Variants in C4orf50 observed in about 807,000 individuals in gnomAD.
The protein encoded by C4orf50 is chromosome 4 open reading frame 50, also known as uncharacterized protein C4orf50.
Under a neutral mutation model 77.2 loss-of-function variants are expected in C4orf50, and 80 were observed. That is an observed-to-expected ratio of 1.04 (90% confidence interval 0.87 to 1.25). C4orf50 has a LOEUF of 1.25. Among genes scored for constraint, C4orf50 ranks in the 50% most tolerant of loss-of-function variants. The pLI, the probability that C4orf50 is intolerant of heterozygous loss-of-function variation, is 0.00. For missense variants in C4orf50, 1,257 were observed against 1,152.9 expected (o/e 1.09, Z -1.31); for synonymous variants, 532 against 465.3 (o/e 1.14, Z -1.84).
intron 33 of C4orf50, among the ~76,000 whole-genome samples, chr4:5,962,794 G>A (rs761813697): frequency 2.0e-5 from 3 of 152,150 alleles, no homozygotes; most frequent in African/African-American, 4.8e-5. Context: ...CAATGCCGGC[G>A]CAGTAAGATT....
chr4:5,904,393 G>A (rs552910908), intron 7 of C4orf50: 6 of 152,394 alleles, frequency 3.9e-5, no homozygotes, highest in African/African-American at 1.4e-4. Context: ...GTGGTCAGTT[G>A]GGCGCAACTC....
intron 7 of C4orf50, among the ~76,000 whole-genome samples, chr4:5,920,474 G>C (rs1717213838): frequency 6.8e-6 from 1 of 146,100 alleles, no homozygotes; most frequent in Middle Eastern, 3.6e-3. Context: ...AATAAACATT[G>C]CTTTTTTTTT....
chr4:6,016,479 G>A (rs899199883), intron 23 of C4orf50, among the ~76,000 whole-genome samples: 2 of 152,190 alleles, frequency 1.3e-5, no homozygotes, highest in South Asian at 2.1e-4. Context: ...AACCCAGGAG[G>A]TGGGGTTTGC....
chr4:5,950,838 A>G (rs1184871301), intron 7 of C4orf50, among the ~76,000 whole-genome samples: 6 of 152,236 alleles, frequency 3.9e-5, no homozygotes, highest in Non-Finnish European at 7.3e-5. Context: ...ATGACTGCAC[A>G]TAGGAGACGA....
intron 30 of C4orf50, among the ~76,000 whole-genome samples, chr4:5,975,171 A>AAAAAAAAAAC (rs1720192928): frequency 8.3e-6 from 1 of 120,100 alleles, no homozygotes; most frequent in Admixed American, 8.2e-5. Context: ...AAAAAAAAAA[A>AAAAAAAAAAC]AAAAAAACTA....
chr4:5,945,623 C>T (rs1265718787), intron 7 of C4orf50, among the ~76,000 whole-genome samples: 1 of 152,188 alleles, frequency 6.6e-6, no homozygotes, highest in African/African-American at 2.4e-5. Context: ...ACAGAGGCCC[C>T]AAAGGGTGAG....
intron 7 of C4orf50, among the ~76,000 whole-genome samples, chr4:5,927,918 T>C (rs1717590897): frequency 3.3e-5 from 5 of 152,098 alleles, no homozygotes; most frequent in Middle Eastern, 3.4e-3. Context: ...CCTGCCTGGG[T>C]CCCTCCCCTG....
rs950582017 is a variant in C4orf50, at chr4:5,946,243, G to A, written c.*2474+10658C>T. 2.0e-5 allele frequency among the ~76,000 whole-genome samples: 3 copies of A among 152,142 alleles called. 1 individual carries two copies. The highest frequency in any genetic ancestry group is 4.4e-5 in the Non-Finnish European group (3 of 68,020). ...CAGTCAGCTGCAGAAGGAGCTCCCA[G>A]GGTGGGAGGACGGCAGCCAGGCTGG... is the stretch of plus-strand genomic sequence containing the variant. On this transcript the variant is annotated intron_variant, in intron 7 of 7. Transcript: ENST00000324058.
At chr4:5,990,124 G>T in exon 28 of C4orf50, 9 of 1,271,014 alleles carry the variant, frequency 7.1e-6, no homozygotes, top group Non-Finnish European at 8.9e-6. Flanking sequence ...CCTGCTCAGG[G>T]ATTCGGGACC....
intron 7 of C4orf50, among the ~76,000 whole-genome samples, chr4:5,946,056 T>C (rs114419953): frequency 0.023 from 3,520 of 152,298 alleles, 69 homozygotes; most frequent in African/African-American, 0.046. Context: ...GCCAGGCTCC[T>C]CTATGGCAGA....
intron 7 of C4orf50, among the ~76,000 whole-genome samples, chr4:5,951,767 A>G (rs1453853957): frequency 6.6e-6 from 1 of 152,020 alleles, no homozygotes; most frequent in Non-Finnish European, 1.5e-5. Flanking sequence ...CCTTCCTATA[A>G]TGCGTTCGCT....
intron 7 of C4orf50, among the ~76,000 whole-genome samples, chr4:5,912,088 C>A (rs4571275): frequency 1.3e-5 from 2 of 152,174 alleles, no homozygotes; most frequent in African/African-American, 2.4e-5. Flanking sequence ...CACAAACAAA[C>A]ACAAACAAAC....
rs1240421886 is a variant in C4orf50 at position 5,986,795 on chromosome 4, T to C, written c.3699+1552A>G. ...CTCATGATCCGCCCTCCTTGGCCTC[T>C]CAAAGTGCTGGGATTACAGGCATGA... is the stretch of plus-strand genomic sequence containing the variant. On this transcript the variant is annotated intron_variant, in intron 28 of 33. Coordinates refer to ENST00000531445, the Ensembl canonical transcript of C4orf50. Among the ~76,000 whole-genome samples, 5 of 152,132 alleles carry C rather than the reference T, an allele frequency of 3.3e-5. No homozygotes were observed. The South Asian group carries it at 1.0e-3, about 32-fold the overall frequency.
chr4:5,941,483 CCTAA>C (rs1718262918), intron 7 of C4orf50, among the ~76,000 whole-genome samples: 1 of 152,184 alleles, frequency 6.6e-6, no homozygotes, highest in East Asian at 1.9e-4. Context: ...CTCTCATCCT[CCTAA>C]CTATTCCCTG....
intron 28 of C4orf50, among the ~76,000 whole-genome samples, chr4:5,988,089 A>T (rs572892388): frequency 7.2e-5 from 11 of 152,286 alleles, no homozygotes; most frequent in South Asian, 4.2e-4. Flanking sequence ...GGCAGGCTTG[A>T]ATCTCCCATA....
chr4:5,987,786 A>G (rs1720961228), intron 28 of C4orf50, among the ~76,000 whole-genome samples: 1 of 152,188 alleles, frequency 6.6e-6, no homozygotes, highest in Admixed American at 6.5e-5. Context: ...TAGGAACATT[A>G]TGAGTGTTTT....
chr4:5,990,254 C>T lies in C4orf50; in HGVS notation c.1792G>A (p.Ala598Thr), dbSNP rs897027251. Reference sequence around the variant, plus strand: ...CCATTCTGATCCTGCACGTCCTCTGCAGCTCCAGCCCCATTCTCCAAGCTC... The same window carrying T: ...CCATTCTGATCCTGCACGTCCTCTGTAGCTCCAGCCCCATTCTCCAAGCTC... Residue 598 changes from alanine (A) to threonine (T), a missense_variant, in exon 28 of 34, where the codon GCA (alanine) becomes ACA (threonine). Physicochemically the swap from Ala to Thr is moderately conservative, Grantham distance 58 (BLOSUM62 0). Coordinates refer to ENST00000531445, the Ensembl canonical transcript of C4orf50. The T allele has an allele frequency of 5.0e-5, 61 of 1,224,932 alleles. No individual in the cohort carries two copies. The African/African-American group carries it at 9.0e-4, about 18-fold the overall frequency. The allele number at this position is 1,224,932 out of a possible 1,614,324, so 75.9% of individuals were successfully genotyped here.
rs547074738 is a variant in C4orf50 at position 5,918,420 on chromosome 4, G to A, written c.*2475-20232C>T. Among the ~76,000 whole-genome samples the A allele has an allele frequency of 1.4e-4, 22 of 152,282 alleles. No individual in the cohort carries two copies. The South Asian group carries it at 2.5e-3, about 17-fold the overall frequency. ...ACCACATTCCTAACTGGTCCACACCGTCACCTTTGGAAATAAAAACAACCC... is the reference window on the plus strand; with the variant it reads ...ACCACATTCCTAACTGGTCCACACCATCACCTTTGGAAATAAAAACAACCC... On this transcript the variant is annotated intron_variant, in intron 7 of 7. Transcript: ENST00000324058.
Position 5,932,026 on chromosome 4 carries a change from A to C in C4orf50, c.*2474+24875T>G, listed in dbSNP as rs2108745377. On this transcript the variant is annotated intron_variant, in intron 7 of 7. Coordinates refer to the C4orf50 transcript ENST00000324058. This position sits in a 1 kb window ranked among gnomAD's most constrained non-coding sequence, Gnocchi z 4.2. ...CGGAGAGTTGTCACCTGACCCCAAA[A>C]TGCTAAGCTCTTCCCAACGCCCCCC... Among the ~76,000 whole-genome samples, 2 of 150,686 alleles carry C rather than the reference A, an allele frequency of 1.3e-5. No homozygotes were observed. The highest frequency in any genetic ancestry group is 4.0e-4 in the East Asian group (2 of 4,966).
Sources: gnomAD v4.1 joint callset for allele counts (sites outside exome capture counted in the v4.1 genomes callset) on GRCh38, gnomAD v4.1.1 for gene constraint, Gnocchi (gnomAD v3.1) non-coding constraint, MANE v1.5 for transcripts, NCBI Gene and HGNC (gene_info 2026-07-23, HGNC 2026-07-21) for gene names.